Variants in MYH13 observed in about 807,000 individuals in gnomAD.
MYH13 encodes the protein myosin heavy chain 13.
In MYH13, 177 loss-of-function variants were observed where a neutral mutation model predicts 232.1. That is an observed-to-expected ratio of 0.76 (90% CI 0.67 to 0.86). The LOEUF (loss-of-function observed/expected upper bound fraction) is 0.86. Ranked by LOEUF, MYH13 falls within the 40% of genes least tolerant of loss-of-function variation. MYH13 has a pLI of 0.00. For missense variants in MYH13, 2,246 were observed against 2,405.9 expected, an observed-to-expected ratio of 0.93 and a Z score of 1.39; for synonymous variants, 884 against 923.5, an observed-to-expected ratio of 0.96 and a Z score of 0.78.
intron 29 of MYH13, among the ~76,000 whole-genome samples, chr17:10,314,829 C>A (rs1906642791): frequency 6.6e-6 from 1 of 152,176 alleles, no homozygotes; most frequent in Non-Finnish European, 1.5e-5. Context: ...ACAGTGGGGA[C>A]AAACTATTCT....
At chr17:10,312,161 CCAA>C in intron 31 of MYH13, 85 bp from the exon 32 acceptor site, 1 of 1,476,614 alleles carries the variant, frequency 6.8e-7, no homozygotes, top group Non-Finnish European at 9.2e-7. Context: ...GTCAGTAACA[CCAA>C]CGTTTTGCCC....
intron 32 of MYH13, 119 bp from the exon 33 acceptor site, chr17:10,311,346 A>G: frequency 7.8e-7 from 1 of 1,281,008 alleles, no homozygotes; most frequent in South Asian, 1.5e-5. Context: ...GAGAGAATAC[A>G]GGGCAGCCGT....
chr17:10,336,722 G>A (rs925345327), intron 18 of MYH13, among the ~76,000 whole-genome samples: 1 of 152,104 alleles, frequency 6.6e-6, no homozygotes, highest in South Asian at 2.1e-4. Context: ...CCTACATTTT[G>A]AAGCCTGCTG....
intron 30 of MYH13, among the ~76,000 whole-genome samples, 182 bp from the exon 31 acceptor site, chr17:10,312,939 C>A (rs1383397311): frequency 1.3e-5 from 2 of 151,602 alleles, no homozygotes; most frequent in African/African-American, 4.8e-5. Context: ...TGCTTGGTGG[C>A]AAAGCAGGTC....
chr17:10,346,776 C>A lies in MYH13; in HGVS notation c.1167G>T (p.Leu389=). 6.2e-7 allele frequency: 1 copy of A among 1,613,926 alleles called. No homozygotes were observed. The highest frequency in any genetic ancestry group is 8.5e-7 in the Non-Finnish European group (1 of 1,179,868). The change falls in exon 13 of 41, where the codon CTG becomes CTT. Residue 389 remains leucine (L), a synonymous_variant. Transcript: ENST00000252172. The stretch of plus-strand genomic sequence containing the variant: ...GCATTTCTGCAGAATTCAGTCCCAT[C>A]AGGTATCCGGCTTTGTCAGCCACTG... ...GTEVADKAGY[L]MGLNSAEMLK... is the part of the protein sequence containing the mutation.
In MYH13 at chr17:10,332,182, A is replaced by T; in HGVS notation, c.2215T>A (p.Phe739Ile). ...TCTGAGGCATTTTTGCTGTCAATGA[A>T]CTGCCCTTCAGGGATAGCACTGGCA... ...LNASAIPEGQ[F>I]IDSKNASEKL... Residue 739 changes from phenylalanine to isoleucine, a missense_variant, in exon 20 of 41, where the codon TTC becomes ATC. Physicochemically the swap from Phe to Ile is conservative, Grantham distance 21. Transcript: ENST00000252172. The T allele has an allele frequency of 6.2e-7, 1 of 1,613,990 alleles. No homozygotes were observed. Among genetic ancestry groups the T allele is most frequent in the Non-Finnish European group, 8.5e-7 (1 of 1,179,882 alleles).
Position 10,312,293 on chromosome 17 carries a change from C to T in MYH13, c.4366-217G>A, listed in dbSNP as rs16943279. 5.9e-5 allele frequency among the ~76,000 whole-genome samples: 9 copies of T among 152,194 alleles called. No homozygotes were observed. In the South Asian group the frequency reaches 6.2e-4, roughly 11 times the overall value. The stretch of plus-strand genomic sequence containing the variant: ...CACAGACATTATAATCTCAGTGGAA[C>T]GGAATTAGCTTTCACTAAAAATAAA... On this transcript the variant is annotated intron_variant, in intron 31 of 40. Transcript: ENST00000252172.
At chr17:10,362,640 A>T in intron 3 of MYH13, 137 bp from the exon 4 acceptor site, 1 of 1,188,152 alleles carries the variant, frequency 8.4e-7, no homozygotes, top group Non-Finnish European at 1.2e-6. Context: ...GATCATTTCC[A>T]TGCCCCAACA....
intron 20 of MYH13, 148 bp downstream of exon 20, chr17:10,331,951 A>AGGTAGACAGAGCTTGTCTC: frequency 1.1e-6 from 1 of 919,048 alleles, no homozygotes; most frequent in Non-Finnish European, 1.6e-6. Flanking sequence ...AGCTCTGTCT[A>AGGTAGACAGAGCTTGTCTC]CCTAGACACA....
intron 3 of MYH13, 22 bp from the exon 4 acceptor site, chr17:10,362,525 A>T: frequency 6.2e-7 from 1 of 1,614,038 alleles, no homozygotes; most frequent in East Asian, 2.2e-5. Flanking sequence ...GAGGAAAAGC[A>T]GGTAATAAAT....
intron 8 of MYH13, among the ~76,000 whole-genome samples, chr17:10,357,242 G>A (rs1291888287): frequency 2.6e-5 from 4 of 152,278 alleles, no homozygotes; most frequent in Middle Eastern, 3.4e-3. Context: ...GATTACAGGC[G>A]TGAGCCACCG....
At chr17:10,345,062 C>G in intron 15 of MYH13, 140 bp downstream of exon 15, 3 of 1,324,910 alleles carry the variant, frequency 2.3e-6, no homozygotes, top group Non-Finnish European at 3.1e-6. Flanking sequence ...ATTCTCTTTG[C>G]AAATAGGCAT....
intron 13 of MYH13, among the ~76,000 whole-genome samples, chr17:10,345,882 A>G (rs941865621): frequency 7.4e-5 from 11 of 147,700 alleles, no homozygotes; most frequent in Non-Finnish European, 1.5e-4. Flanking sequence ...AGTCCCAGCT[A>G]TTCGGGAGGC....
At position 10,323,789 on chromosome 17, in the gene MYH13, AGAAGAAGAAGAAGAAGAAG is replaced by A. The variant is rs375692580; in HGVS notation, c.2934+214_2934+232del. On this transcript the variant is annotated intron_variant, in intron 23 of 40. Transcript: ENST00000252172. ...CAAAAAAAAAAAAAAAAAAAAAAAA[AGAAGAAGAAGAAGAAGAAG>A]AAGAAGAAGAAGAAGAAGAAGAAGA... Among the ~76,000 whole-genome samples the A allele has an allele frequency of 2.4e-4, 9 of 37,436 alleles. No individual in the cohort carries two copies. In the East Asian group the frequency reaches 4.7e-3, roughly 19 times the overall value. The allele number at this position is 37,436 out of a possible 152,430, so 24.6% of individuals were successfully genotyped here.
intron 5 of MYH13, among the ~76,000 whole-genome samples, chr17:10,361,042 G>A (rs2071788300): frequency 6.6e-6 from 1 of 152,180 alleles, no homozygotes; most frequent in Non-Finnish European, 1.5e-5. Context: ...CTCTAGAACT[G>A]TGGGAAAGTA....
chr17:10,368,200 T>C (rs1054562389), intron 2 of MYH13, among the ~76,000 whole-genome samples: 1 of 152,192 alleles, frequency 6.6e-6, no homozygotes, highest in Non-Finnish European at 1.5e-5. Context: ...CTTTCAGTAC[T>C]AGGAAGTTGT....
intron 39 of MYH13, 74 bp from the exon 40 acceptor site, chr17:10,301,777 G>A: frequency 1.3e-6 from 2 of 1,548,484 alleles, no homozygotes; most frequent in Admixed American, 1.9e-5. Context: ...GTCTCTGAAG[G>A]CCTCTGAGGA....
At chr17:10,349,599 C>T (rs2071694323) in intron 12 of MYH13, among the ~76,000 whole-genome samples, 1 of 151,902 alleles carries the variant, frequency 6.6e-6, no homozygotes, top group Admixed American at 6.6e-5. Context: ...CAAGGTGTGC[C>T]CCCTGGTGTA....
chr17:10,323,778 A>AG (rs557516417), intron 23 of MYH13, among the ~76,000 whole-genome samples: 636 of 87,316 alleles, frequency 7.3e-3, no homozygotes, highest in Non-Finnish European at 9.8e-3. Context: ...AAAAAAAAAA[A>AG]AAAAAAAAAA....
Sources: allele counts gnomAD v4.1 joint callset (sites outside exome capture counted in the v4.1 genomes callset), GRCh38; gene constraint gnomAD v4.1.1; transcripts MANE v1.5; gene names NCBI Gene and HGNC (gene_info 2026-07-23, HGNC 2026-07-21).